Variants in ITPR1 observed in about 807,000 individuals in gnomAD.
ITPR1 encodes inositol 1,4,5-trisphosphate-gated calcium channel ITPR1.
ITPR1 carries 96 observed loss-of-function variants against 318.4 expected under a neutral mutation model. That is an observed-to-expected ratio of 0.30 (90% CI 0.26 to 0.36). The LOEUF is 0.36. ITPR1 is among the 10% of genes least tolerant of loss of function. ITPR1 has a pLI of 1.00. For synonymous variants in ITPR1, 1,312 were observed against 1,289.9 expected (o/e 1.02, Z -0.37); for missense variants, 2,440 against 3,460.2 (o/e 0.71, Z 7.40).
chr3:4,501,344 T>C (rs1457616223), intron 2 of ITPR1, among the ~76,000 whole-genome samples: 3 of 152,224 alleles, frequency 2.0e-5, no homozygotes, highest in African/African-American at 7.2e-5. Flanking sequence ...TGAGAAACAC[T>C]GTACTACATC....
intron 60 of ITPR1, among the ~76,000 whole-genome samples, chr3:4,835,252 C>T (rs4685830): frequency 0.94 from 142,515 of 152,210 alleles, 67,440 homozygotes; most frequent in East Asian, 1. Flanking sequence ...CAAGATACAG[C>T]TCAATGATCT....
chr3:4,573,813 T>G (rs532246474), intron 4 of ITPR1, among the ~76,000 whole-genome samples: 35 of 152,218 alleles, frequency 2.3e-4, no homozygotes, highest in Non-Finnish European at 4.6e-4. Context: ...TTACCGTACT[T>G]TCTTTTCCTC....
rs183924664 is a variant in ITPR1, at chr3:4,644,116, A to G, written c.526-20A>G. 2.6e-3 allele frequency: 4,002 copies of G among 1,555,006 alleles called. 98 individuals carry two copies. Among genetic ancestry groups the G allele is most frequent in the Non-Finnish European group, 3.7e-4 (420 of 1,131,422 alleles). ...CCTTATCAGTTTTGTGCAAAGCTCT[A>G]TTGCTCCTTTCCATTCCAGGTGGTC... On this transcript the variant is annotated intron_variant, in intron 7 of 61. Transcript: ENST00000649015.
chr3:4,837,605 G>A (rs557108288), intron 61 of ITPR1, among the ~76,000 whole-genome samples: 4 of 151,934 alleles, frequency 2.6e-5, no homozygotes, highest in Non-Finnish European at 5.9e-5. Flanking sequence ...GCAGGATGCG[G>A]GCAGTACTGT....
chr3:4,823,837 A>C (rs553930145), intron 60 of ITPR1, among the ~76,000 whole-genome samples: 10 of 152,228 alleles, frequency 6.6e-5, no homozygotes, highest in African/African-American at 1.9e-4. Flanking sequence ...TAGGCACTAT[A>C]TACATGTAAC....
chr3:4,684,250 A>C, intron 28 of ITPR1, 31 bp from the exon 29 acceptor site: 2 of 1,484,064 alleles, frequency 1.3e-6, no homozygotes, highest in Admixed American at 1.7e-5. Context: ...AGAGTTGTAC[A>C]GATCACACTT....
chr3:4,698,575 T>C (rs1242381921), intron 34 of ITPR1, among the ~76,000 whole-genome samples: 1 of 152,154 alleles, frequency 6.6e-6, no homozygotes, highest in African/African-American at 2.4e-5. Context: ...CCTTCTAGCA[T>C]GAAAGTAGCC....
At chr3:4,608,058 A>G (rs1012536426) in intron 4 of ITPR1, among the ~76,000 whole-genome samples, 24 of 152,130 alleles carry the variant, frequency 1.6e-4, no homozygotes, top group Non-Finnish European at 2.2e-4. Flanking sequence ...TCCCAAAGTT[A>G]GCTTTGCCTA....
At chr3:4,820,832 C>T (rs976094284) in intron 60 of ITPR1, among the ~76,000 whole-genome samples, 5 of 152,194 alleles carry the variant, frequency 3.3e-5, no homozygotes, top group Non-Finnish European at 7.3e-5. Flanking sequence ...CTGCTGCGGA[C>T]TCCTAAGGGA....
At chr3:4,573,358 T>C (rs532372849) in intron 4 of ITPR1, among the ~76,000 whole-genome samples, 2 of 152,302 alleles carry the variant, frequency 1.3e-5, no homozygotes, top group South Asian at 4.1e-4. Flanking sequence ...CATCTATCAC[T>C]GTCACCTTTT....
chr3:4,684,393 T>C (rs775208163), intron 29 of ITPR1, 47 bp downstream of exon 29: 2 of 1,346,928 alleles, frequency 1.5e-6, no homozygotes, highest in Non-Finnish European at 2.1e-6. Context: ...ATGAATTCTC[T>C]AAGGAGCTTT....
chr3:4,590,436 C>T (rs1180834437), intron 4 of ITPR1, among the ~76,000 whole-genome samples: 3 of 151,460 alleles, frequency 2.0e-5, no homozygotes, highest in Admixed American at 2.0e-4. Flanking sequence ...CTTTTTATAG[C>T]TGAGTTGGCC....
chr3:4,526,895 TTAGAG>T (rs1309214269), intron 4 of ITPR1, among the ~76,000 whole-genome samples: 3 of 152,226 alleles, frequency 2.0e-5, no homozygotes, highest in African/African-American at 4.8e-5. Flanking sequence ...AGAAACTTCT[TTAGAG>T]TAATTTGTTG....
chr3:4,694,857 G>A (rs1375465264), intron 33 of ITPR1, among the ~76,000 whole-genome samples: 1 of 152,084 alleles, frequency 6.6e-6, no homozygotes, highest in Non-Finnish European at 1.5e-5. Context: ...ACCATGAAAA[G>A]TCTTATAATC....
chr3:4,499,887 C>A (rs1304026872), intron 2 of ITPR1, among the ~76,000 whole-genome samples: 1 of 152,134 alleles, frequency 6.6e-6, no homozygotes, highest in Non-Finnish European at 1.5e-5. Flanking sequence ...TCTTCCTGTG[C>A]CAGCCTTCCC....
intron 4 of ITPR1, among the ~76,000 whole-genome samples, chr3:4,563,270 G>A (rs1474344234): frequency 6.6e-6 from 1 of 152,162 alleles, no homozygotes; most frequent in African/African-American, 2.4e-5. Context: ...CACTTCAAAA[G>A]GCCAAGGCAG....
At chr3:4,709,346 C>T (rs1414990918) in intron 37 of ITPR1, among the ~76,000 whole-genome samples, 59 of 152,200 alleles carry the variant, frequency 3.9e-4, no homozygotes, top group Admixed American at 3.7e-3. Context: ...ACATTCATCA[C>T]CCAAATTGTG....
intron 2 of ITPR1, among the ~76,000 whole-genome samples, chr3:4,503,188 T>C (rs1340570108): frequency 5.9e-5 from 9 of 152,176 alleles, no homozygotes; most frequent in African/African-American, 2.2e-4. Flanking sequence ...TGTTGTTCAG[T>C]ACAAATCTCT....
chr3:4,806,612 G>A (rs889268072), intron 55 of ITPR1, among the ~76,000 whole-genome samples: 3 of 152,208 alleles, frequency 2.0e-5, no homozygotes, highest in Non-Finnish European at 2.9e-5. Flanking sequence ...TACACCAAGA[G>A]GAGTGTTTTT....
Sources: gnomAD v4.1 joint callset for allele counts (sites outside exome capture counted in the v4.1 genomes callset) on GRCh38, gnomAD v4.1.1 for gene constraint, MANE v1.5 for transcripts, NCBI Gene and HGNC (gene_info 2026-07-23, HGNC 2026-07-21) for gene names.